CIT: variants seen among roughly 807,000 people sequenced by gnomAD.
The protein encoded by CIT is citron Rho-interacting kinase.
In CIT, 79 loss-of-function variants were observed where a neutral mutation model predicts 272.7. That is an observed-to-expected ratio of 0.29 (90% CI 0.24 to 0.35). The LOEUF (loss-of-function observed/expected upper bound fraction) is 0.35, where lower values mean the gene tolerates loss of function less well. Ranked by LOEUF, CIT falls within the 10% of genes least tolerant of loss-of-function variation. The pLI is 1.00. For missense variants in CIT, 1,909 were observed against 2,618.3 expected, an observed-to-expected ratio of 0.73 and a Z score of 5.91; for synonymous variants, 948 against 995.6, an observed-to-expected ratio of 0.95 and a Z score of 0.90.
intron 10 of CIT, among the ~76,000 whole-genome samples, chr12:119,788,205 C>A (rs954128406): frequency 6.6e-6 from 1 of 152,224 alleles, no homozygotes; most frequent in Non-Finnish European, 1.5e-5. Flanking sequence ...ACGCTTCTCA[C>A]CAGCCTGTTT....
At position 119,694,196 on chromosome 12, in the gene CIT, T is replaced by C. The variant is rs892294829; in HGVS notation, c.5882+3463A>G. On this transcript the variant is annotated intron_variant, in intron 46 of 47. Transcript: ENST00000392521. The surrounding 1 kb of genome is among the most constrained non-coding windows in gnomAD (Gnocchi z 4.5). ...AGGGCAGAAAACTCCACACTGTCCA[T>C]CAGATTTACAAATCCACATCAGCCA... is the stretch of plus-strand genomic sequence containing the variant. Among the ~76,000 whole-genome samples the C allele has an allele frequency of 1.3e-5, 2 of 152,166 alleles. No homozygotes were observed. Among genetic ancestry groups the C allele is most frequent in the Non-Finnish European group, 2.9e-5 (2 of 68,034 alleles).
chr12:119,847,576 G>A (rs1205032004), intron 5 of CIT, among the ~76,000 whole-genome samples: 1 of 148,090 alleles, frequency 6.8e-6, no homozygotes, highest in African/African-American at 2.5e-5. Context: ...CCTGGTGACA[G>A]AGAAAGACTC....
intron 25 of CIT, among the ~76,000 whole-genome samples, 183 bp downstream of exon 25, chr12:119,734,977 A>G (rs1958673132): frequency 6.6e-6 from 1 of 152,128 alleles, no homozygotes; most frequent in Non-Finnish European, 1.5e-5. Flanking sequence ...AATTAATAAG[A>G]ACTACACACT....
rs562631927 is a variant in CIT, at chr12:119,857,398, T to G, written c.414+125A>C. 2.6e-5 allele frequency: 24 copies of G among 940,922 alleles called. No homozygotes were observed. In the African/African-American group the frequency reaches 3.0e-4, roughly 12 times the overall value. 58.3% of individuals were successfully genotyped at this position (940,922 alleles called of 1,614,324 possible). On this transcript the variant is annotated intron_variant, in intron 4 of 47. Coordinates refer to ENST00000392521, the MANE Select transcript of CIT (RefSeq NM_001206999.2). ...ATGAGAGACCTTTTTGCCCCAACTA[T>G]AATTAAATATAGAGTCACAGAGGAA...
chr12:119,694,982 G>C lies in CIT; in HGVS notation c.5882+2677C>G, dbSNP rs1411096445. ...AGAAATTAACCCTAGCCCTTTGCGC[G>C]GCCACTCTCGAGGCAGGGTCAAACC... On this transcript the variant is annotated intron_variant, in intron 46 of 47. Transcript: ENST00000392521. This position sits in a 1 kb window ranked among gnomAD's most constrained non-coding sequence, Gnocchi z 4.5. Among the ~76,000 whole-genome samples, 1 of 152,018 alleles carries C rather than the reference G, an allele frequency of 6.6e-6. No homozygotes were observed. Among genetic ancestry groups the C allele is most frequent in the Non-Finnish European group, 1.5e-5 (1 of 68,018 alleles).
chr12:119,853,018 T>C (rs1056387576), intron 4 of CIT, among the ~76,000 whole-genome samples: 1 of 152,122 alleles, frequency 6.6e-6, no homozygotes, highest in Admixed American at 6.6e-5. Context: ...TCCATTTCTC[T>C]TAAGAACCCT....
In CIT at chr12:119,803,213, T is replaced by A; in HGVS notation, c.1288A>T (p.Arg430Ter). Residue 430 changes from arginine (R) to a stop codon, truncating the protein, a stop_gained, in exon 10 of 48, where the codon AGA becomes TGA. Coordinates refer to ENST00000392521, the MANE Select transcript of CIT (RefSeq NM_001206999.2). LOFTEE classifies it high-confidence loss of function. ...SYSKALGILG[R>*]SESVVSGLDS... is the part of the protein sequence containing the mutation. ...AGTCAAATTTTCACTTACTCAGATCTACCAAGAATCCCCAGTGCCTTGCTG... is the reference window on the plus strand; with the variant it reads ...AGTCAAATTTTCACTTACTCAGATCAACCAAGAATCCCCAGTGCCTTGCTG... 2.0e-6 allele frequency: 3 copies of A among 1,471,948 alleles called. No individual in the cohort carries two copies. In the South Asian group the frequency reaches 3.7e-5, roughly 18 times the overall value. The allele number at this position is 1,471,948 out of a possible 1,614,324, so 91.2% of individuals were successfully genotyped here. A position where few individuals can be genotyped will look rare whatever the true frequency, so the allele number is the denominator to read the frequency against.
Position 119,770,971 on chromosome 12 carries a change from G to A in CIT, c.2083-61C>T, listed in dbSNP as rs904596176. On this transcript the variant is annotated intron_variant, in intron 17 of 47. Transcript: ENST00000392521. This position sits in a 1 kb window ranked among gnomAD's most constrained non-coding sequence, Gnocchi z 4.4. ...AGTAACCGCTATGGGCATAACACCT[G>A]CACCGAGGGAAAGAGCCCTCAAGAA... is the stretch of plus-strand genomic sequence containing the variant. The A allele has an allele frequency of 1.8e-5, 29 of 1,574,372 alleles. No individual in the cohort carries two copies. The highest frequency in any genetic ancestry group is 1.7e-4 in the Middle Eastern group (1 of 5,930).
chr12:119,863,520 TTTTG>T (rs1950426064), intron 3 of CIT, among the ~76,000 whole-genome samples: 1 of 152,044 alleles, frequency 6.6e-6, no homozygotes, highest in Non-Finnish European at 1.5e-5. Context: ...AAAAGTTTTT[TTTTG>T]TTTTTTTTGT....
Position 119,822,671 on chromosome 12 carries a change from T to C in CIT, c.1111+149A>G. The stretch of plus-strand genomic sequence containing the variant: ...GGCAGAATTATTACTCAAAGACAGC[T>C]ACATCATTAGCCTTTACTACTCCTG... On this transcript the variant is annotated intron_variant, in intron 9 of 47. Transcript: ENST00000392521. 7 of 779,298 alleles carry C rather than the reference T, an allele frequency of 9.0e-6. No homozygotes were observed. The South Asian group carries it at 1.3e-4, about 14-fold the overall frequency. The allele number at this position is 779,298 out of a possible 1,614,324, so 48.3% of individuals were successfully genotyped here. A position where few individuals can be genotyped will look rare whatever the true frequency, so the allele number is the denominator to read the frequency against.
At chr12:119,741,831 C>T (rs769613432) in intron 24 of CIT, among the ~76,000 whole-genome samples, 1 of 152,210 alleles carries the variant, frequency 6.6e-6, no homozygotes, top group African/African-American at 2.4e-5. Flanking sequence ...TATTATATAA[C>T]CTATGGAAGA....
At chr12:119,851,239 A>G (rs1206553969) in intron 4 of CIT, among the ~76,000 whole-genome samples, 1 of 152,180 alleles carries the variant, frequency 6.6e-6, no homozygotes, top group African/African-American at 2.4e-5. Context: ...ATATATAGAC[A>G]TGGATACACA....
chr12:119,852,179 T>C (rs1347954827), intron 4 of CIT, among the ~76,000 whole-genome samples: 2 of 152,214 alleles, frequency 1.3e-5, no homozygotes, highest in Admixed American at 6.5e-5. Context: ...TCTGCTCTGA[T>C]GCAATAAGAA....
In CIT at chr12:119,686,403, CCA is replaced by C. The variant is rs1204916824; in HGVS notation, c.*1827_*1828del. On this transcript the variant is annotated 3_prime_UTR_variant, in exon 48 of 48. Transcript: ENST00000392521. ...GGACGGGAGGGGAGGGAGTACGACC[CCA>C]CAGACTCCAAGCAACACATAAAACG... The C allele has an allele frequency of 2.0e-5, 3 of 152,160 alleles. No homozygotes were observed. The highest frequency in any genetic ancestry group is 7.2e-5 in the African/African-American group (3 of 41,410). The allele number at this position is 152,160 out of a possible 1,614,324, so 9.4% of individuals were successfully genotyped here. A position where few individuals can be genotyped will look rare whatever the true frequency, so the allele number is the denominator to read the frequency against.
intron 13 of CIT, among the ~76,000 whole-genome samples, chr12:119,778,315 T>C (rs1423061784): frequency 6.6e-6 from 1 of 152,194 alleles, no homozygotes; most frequent in Admixed American, 6.5e-5. Flanking sequence ...TTGGACAAAG[T>C]ATAAAAATAT....
chr12:119,690,169 C>T lies in CIT; in HGVS notation c.6168G>A (p.Pro2056=), dbSNP rs759830154. 2 of 1,481,818 alleles carry T rather than the reference C, an allele frequency of 1.3e-6. No homozygotes were observed. The highest frequency in any genetic ancestry group is 1.5e-5 in the South Asian group (1 of 68,578). 91.8% of individuals were successfully genotyped at this position (1,481,818 alleles called of 1,614,324 possible). The change falls in exon 47 of 48, where the codon CCG becomes CCA. Residue 2056 remains proline (P), a synonymous_variant. Coordinates refer to ENST00000392521, the MANE Select transcript of CIT (RefSeq NM_001206999.2). The surrounding 1 kb of genome is among the most constrained non-coding windows in gnomAD (Gnocchi z 6.0). The stretch of plus-strand genomic sequence containing the variant: ...GCCTCACCTTGTTCACCTGGGACAG[C>T]GGGGTCCTCACGGCTCCCGCAGGCA... ...GRLPAGAVRT[P]LSQVNKVWDQ...
In CIT at chr12:119,712,766, CGA is replaced by C; in HGVS notation, c.4580-73_4580-72del. 2 of 1,273,478 alleles carry C rather than the reference CGA, an allele frequency of 1.6e-6. No homozygotes were observed. The highest frequency in any genetic ancestry group is 2.3e-5 in the East Asian group (1 of 43,026). 78.9% of individuals were successfully genotyped at this position (1,273,478 alleles called of 1,614,324 possible). A position where few individuals can be genotyped will look rare whatever the true frequency, so the allele number is the denominator to read the frequency against. On this transcript the variant is annotated intron_variant, in intron 35 of 47. Transcript: ENST00000392521. The surrounding 1 kb of genome is among the most constrained non-coding windows in gnomAD (Gnocchi z 5.2). The stretch of plus-strand genomic sequence containing the variant: ...ACAAGAACAAGGGGAGAAGAGAGAG[CGA>C]GAGAGACAGCAAGGGAGAGAGAGAC...
At chr12:119,797,672 T>C (rs1965850142) in intron 10 of CIT, among the ~76,000 whole-genome samples, 1 of 152,168 alleles carries the variant, frequency 6.6e-6, no homozygotes, top group Non-Finnish European at 1.5e-5. Context: ...CCAATAGGGA[T>C]CTAGGTAGCA....
Position 119,784,431 on chromosome 12 carries a change from G to A in CIT, c.1402-380C>T. ...CCCATCTCCTTGCAAAGATCTAGAG[G>A]ACAAATCCAGGACAGGGCAAGGAGA... On this transcript the variant is annotated intron_variant, in intron 11 of 47. Transcript: ENST00000392521. This position sits in a 1 kb window ranked among gnomAD's most constrained non-coding sequence, Gnocchi z 4.7. 1 of 1,212,762 alleles carries A rather than the reference G, an allele frequency of 8.2e-7. No individual in the cohort carries two copies. The highest frequency in any genetic ancestry group is 1.5e-5 in the South Asian group (1 of 65,116). The allele number at this position is 1,212,762 out of a possible 1,614,324, so 75.1% of individuals were successfully genotyped here. A position where few individuals can be genotyped will look rare whatever the true frequency, so the allele number is the denominator to read the frequency against.
Sources: gnomAD v4.1 joint callset for allele counts (sites outside exome capture counted in the v4.1 genomes callset) on GRCh38, gnomAD v4.1.1 for gene constraint, Gnocchi (gnomAD v3.1) non-coding constraint, MANE v1.5 for transcripts, NCBI Gene and HGNC (gene_info 2026-07-23, HGNC 2026-07-21) for gene names.